The following THADA variants were observed in gnomAD, a reference collection of about 807,000 sequenced individuals.
THADA encodes tRNA (32-2'-O)-methyltransferase regulator THADA.
In THADA, 213 loss-of-function variants were observed where a neutral mutation model predicts 219.8. That is an observed-to-expected ratio of 0.97 (90% CI 0.87 to 1.09). THADA has a LOEUF of 1.09. Ranked by LOEUF, THADA falls within the 50% of genes least tolerant of loss-of-function variation. The pLI is 0.00. For missense variants in THADA, 2,956 were observed against 2,311.3 expected (o/e 1.28, Z -5.72); for synonymous variants, 1,018 against 828.9 (o/e 1.23, Z -3.92).
rs551285649 is a variant in THADA, at chr2:43,433,715, C to T, written c.3837-3413G>A. On this transcript the variant is annotated intron_variant, in intron 26 of 37. Transcript: ENST00000405975. The stretch of plus-strand genomic sequence containing the variant: ...TATTTATTTATTTTTTGAGACAGAG[C>T]CTTGCTCTGTTGCCCAGGCTGGAGT... Among the ~76,000 whole-genome samples, 5 of 151,960 alleles carry T rather than the reference C, an allele frequency of 3.3e-5. No individual in the cohort carries two copies. In the South Asian group the frequency reaches 1.0e-3, roughly 32 times the overall value.
intron 36 of THADA, among the ~76,000 whole-genome samples, chr2:43,259,328 T>C (rs576660549): frequency 6.6e-6 from 1 of 152,220 alleles, no homozygotes; most frequent in Non-Finnish European, 1.5e-5. Flanking sequence ...TCTTGATCCA[T>C]GAATGCTGGC....
chr2:43,466,768 C>T (rs985094070), intron 26 of THADA, among the ~76,000 whole-genome samples: 1 of 152,164 alleles, frequency 6.6e-6, no homozygotes, highest in Non-Finnish European at 1.5e-5. Flanking sequence ...AGACATGAGG[C>T]AACTGAGGCA....
At position 43,467,516 on chromosome 2, in the gene THADA, C is replaced by T. The variant is rs960082665; in HGVS notation, c.3836+17718G>A. On this transcript the variant is annotated intron_variant, in intron 26 of 37. Coordinates refer to ENST00000405975, the MANE Select transcript of THADA (RefSeq NM_022065.5). The stretch of plus-strand genomic sequence containing the variant: ...ATACAATGGAATAATGTTTACCTAC[C>T]CACACAGCAAATATTTAGGACTGAT... Among the ~76,000 whole-genome samples the T allele has an allele frequency of 4.1e-4, 63 of 152,176 alleles. 1 individual carries two copies. Among genetic ancestry groups the T allele is most frequent in the Middle Eastern group, 3.4e-3 (1 of 294 alleles).
chr2:43,568,488 T>A (rs182100515), intron 14 of THADA, among the ~76,000 whole-genome samples: 145 of 152,252 alleles, frequency 9.5e-4, no homozygotes, highest in Middle Eastern at 6.8e-3. Context: ...ACCACAACCA[T>A]GAGACTGACT....
intron 7 of THADA, among the ~76,000 whole-genome samples, chr2:43,582,975 A>C (rs1278660774): frequency 6.6e-6 from 1 of 151,874 alleles, no homozygotes. Flanking sequence ...TGATCTTTTT[A>C]TGTTAGGAAT....
intron 31 of THADA, among the ~76,000 whole-genome samples, chr2:43,299,424 C>T (rs1310157063): frequency 2.0e-5 from 3 of 151,936 alleles, no homozygotes; most frequent in South Asian, 2.1e-4. Context: ...TTTGGGAGGC[C>T]GAGGCGGGCA....
intron 14 of THADA, among the ~76,000 whole-genome samples, chr2:43,568,660 A>G (rs1253581461): frequency 6.6e-6 from 1 of 152,246 alleles, no homozygotes; most frequent in Non-Finnish European, 1.5e-5. Flanking sequence ...TTGCAAAAAG[A>G]AAGCAAACGA....
At chr2:43,242,720 C>A (rs918899846) in intron 36 of THADA, among the ~76,000 whole-genome samples, 28 of 152,312 alleles carry the variant, frequency 1.8e-4, no homozygotes, top group Admixed American at 8.5e-4. Flanking sequence ...AACTCATGAG[C>A]TCAAGTGATC....
In THADA at chr2:43,286,822, T is replaced by C. The variant is rs573080353; in HGVS notation, c.5164+86A>G. On this transcript the variant is annotated intron_variant, in intron 35 of 37. Transcript: ENST00000405975. ...TAAAGGCAGGTGTCATGTTGCCATC[T>C]TTCACCTTCCCTTTTTTTAGGCAAG... The C allele has an allele frequency of 8.6e-4, 1,295 of 1,507,168 alleles. 3 individuals carry two copies. The highest frequency in any genetic ancestry group is 1.1e-3 in the Non-Finnish European group (1,254 of 1,101,468). 93.4% of individuals were successfully genotyped at this position (1,507,168 alleles called of 1,614,324 possible).
intron 26 of THADA, among the ~76,000 whole-genome samples, chr2:43,453,227 G>A (rs1362963245): frequency 6.6e-6 from 1 of 152,178 alleles, no homozygotes; most frequent in East Asian, 1.9e-4. Context: ...CAGGATACAA[G>A]GTGTGATTTT....
At chr2:43,527,821 G>T in intron 22 of THADA, 58 bp downstream of exon 22, 1 of 1,194,402 alleles carries the variant, frequency 8.4e-7, no homozygotes, top group Non-Finnish European at 1.2e-6. Flanking sequence ...TCTACTCCAA[G>T]CATATGCTTT....
chr2:43,298,559 A>T (rs953150254), intron 31 of THADA, among the ~76,000 whole-genome samples: 1 of 147,210 alleles, frequency 6.8e-6, no homozygotes, highest in Non-Finnish European at 1.5e-5. Context: ...ACCCTGCCAA[A>T]TCCCCCTCTG....
chr2:43,260,330 A>T (rs1262610375), intron 36 of THADA, among the ~76,000 whole-genome samples: 2 of 152,058 alleles, frequency 1.3e-5, no homozygotes, highest in Non-Finnish European at 2.9e-5. Flanking sequence ...GAGGATGAGC[A>T]TTTTTTTCAT....
chr2:43,571,759 A>G lies in THADA; in HGVS notation c.2012T>C (p.Leu671Pro). The G allele has an allele frequency of 6.2e-7, 1 of 1,613,980 alleles. No homozygotes were observed. Among genetic ancestry groups the G allele is most frequent in the Non-Finnish European group, 8.5e-7 (1 of 1,179,852 alleles). ...QWIQFFITYN[L>P]NSQSPGVRQQ... ...CCGCACTCCTGGAGACTGGCTGTTA[A>G]GATTGTATGTAATAAAGAACTGAAT... The change falls in exon 13 of 38, where the codon CTT (leucine) becomes CCT (proline). Residue 671 changes from leucine to proline, a missense_variant. Transcript: ENST00000405975.
intron 36 of THADA, among the ~76,000 whole-genome samples, chr2:43,242,252 G>A (rs1325976853): frequency 1.3e-5 from 2 of 152,234 alleles, no homozygotes; most frequent in African/African-American, 2.4e-5. Flanking sequence ...CTTAGCACTT[G>A]ACTGTGGTCT....
intron 29 of THADA, among the ~76,000 whole-genome samples, chr2:43,357,609 A>G (rs546670457): frequency 6.6e-6 from 1 of 152,336 alleles, no homozygotes; most frequent in South Asian, 2.1e-4. Flanking sequence ...GGAATAGGAA[A>G]GTTTAGAAAT....
chr2:43,406,857 TGAGCTGCATGTAAGGCAG>T (rs1336563630), intron 28 of THADA, among the ~76,000 whole-genome samples: 3 of 152,162 alleles, frequency 2.0e-5, no homozygotes, highest in Admixed American at 6.5e-5. Context: ...TGGGCTGGGA[TGAGCTGCATGTAAGGCAG>T]GAGCTGGGCT....
At chr2:43,283,093 T>C (rs184168367) in intron 35 of THADA, among the ~76,000 whole-genome samples, 75 of 152,294 alleles carry the variant, frequency 4.9e-4, no homozygotes, top group South Asian at 4.8e-3. Flanking sequence ...TTTAAAAGTG[T>C]GTGGCACTTC....
At chr2:43,577,556 G>C (rs1032882967) in intron 9 of THADA, among the ~76,000 whole-genome samples, 5 of 151,286 alleles carry the variant, frequency 3.3e-5, no homozygotes, top group African/African-American at 1.2e-4. Context: ...TGCTTTTAGA[G>C]GTGATTTGAG....
Sources: allele counts gnomAD v4.1 joint callset (sites outside exome capture counted in the v4.1 genomes callset), GRCh38; gene constraint gnomAD v4.1.1; transcripts MANE v1.5; gene names NCBI Gene and HGNC (gene_info 2026-07-23, HGNC 2026-07-21).